ZFAT: variants seen among roughly 807,000 people sequenced by gnomAD.
ZFAT encodes zinc finger and AT-hook domain containing.
A neutral mutation model predicts 117.7 loss-of-function variants in ZFAT; 64 were observed. That is an observed-to-expected ratio of 0.54 (90% confidence interval 0.44 to 0.67). ZFAT has a LOEUF of 0.67. Among genes scored for constraint, ZFAT ranks in the 30% least tolerant of loss-of-function variants. ZFAT has a pLI of 0.00. For missense variants in ZFAT, 1,433 were observed against 1,584.5 expected, an observed-to-expected ratio of 0.90 and a Z score of 1.62; for synonymous variants, 679 against 615.0, an observed-to-expected ratio of 1.10 and a Z score of -1.54.
chr8:134,822,929 T>C, the ZFAT span, among the ~76,000 whole-genome samples: 14 of 152,236 alleles, frequency 9.2e-5, no homozygotes, highest in South Asian at 2.9e-3. Flanking sequence ...AAAAAATCTA[T>C]TCCCCCAAGC....
the ZFAT span, among the ~76,000 whole-genome samples, chr8:134,761,982 A>G: frequency 1.8e-4 from 27 of 147,238 alleles, no homozygotes; most frequent in South Asian, 4.4e-4. Flanking sequence ...TTCTCTCTGT[A>G]TGTGTGTGTG....
chr8:134,655,770 C>T (rs1831561764), intron 2 of ZFAT, among the ~76,000 whole-genome samples: 1 of 152,214 alleles, frequency 6.6e-6, no homozygotes, highest in African/African-American at 2.4e-5. Context: ...GAAGTTCTTT[C>T]CACCTTGATC....
intron 11 of ZFAT, among the ~76,000 whole-genome samples, chr8:134,557,521 T>C (rs1225436576): frequency 6.6e-6 from 1 of 152,252 alleles, no homozygotes; most frequent in East Asian, 1.9e-4. Context: ...TGATATTAGA[T>C]GGTAACAACA....
the ZFAT span, among the ~76,000 whole-genome samples, chr8:134,782,666 A>G: frequency 6.6e-6 from 1 of 151,984 alleles, no homozygotes. Context: ...TTATAAGGGA[A>G]ACCCCCTTTG....
At chr8:134,490,348 T>G (rs1817959239) in intron 15 of ZFAT, among the ~76,000 whole-genome samples, 1 of 152,194 alleles carries the variant, frequency 6.6e-6, no homozygotes, top group Non-Finnish European at 1.5e-5. Context: ...CTTCCAACTG[T>G]CGTCAGCTTC....
At chr8:134,788,162 C>CT in the ZFAT span, among the ~76,000 whole-genome samples, 1 of 152,182 alleles carries the variant, frequency 6.6e-6, no homozygotes, top group Non-Finnish European at 1.5e-5. Flanking sequence ...ATTTCACTGA[C>CT]TTTTTGTCTT....
At chr8:134,492,008 TTTTG>T (rs1586572046) in intron 15 of ZFAT, among the ~76,000 whole-genome samples, 1 of 148,294 alleles carries the variant, frequency 6.7e-6, no homozygotes, top group African/African-American at 2.5e-5. Context: ...ACTAGAGTTT[TTTTG>T]TTTTTGTTTT....
At chr8:134,723,520 C>G in the ZFAT span, 1 of 152,284 alleles carries the variant, frequency 6.6e-6, no homozygotes, top group Non-Finnish European at 1.5e-5. Flanking sequence ...CAGAGGAGTC[C>G]ACCTTCAGCA....
the ZFAT span, among the ~76,000 whole-genome samples, chr8:134,798,578 C>G: frequency 6.6e-6 from 1 of 152,156 alleles, no homozygotes; most frequent in South Asian, 2.1e-4. Context: ...GAAAAATACT[C>G]AAATTTTCAC....
chr8:134,560,104 A>G (rs1218914599), intron 11 of ZFAT, among the ~76,000 whole-genome samples: 2 of 152,204 alleles, frequency 1.3e-5, no homozygotes, highest in African/African-American at 4.8e-5. Context: ...CTACCAAACT[A>G]TCTGGGGAGG....
intron 2 of ZFAT, among the ~76,000 whole-genome samples, chr8:134,638,776 T>C (rs1448121831): frequency 6.6e-6 from 1 of 150,542 alleles, no homozygotes; most frequent in Non-Finnish European, 1.5e-5. Flanking sequence ...GCAGAGCATC[T>C]CATCCAGTTG....
Position 134,625,797 on chromosome 8 carries a change from G to A in ZFAT, c.448+11664C>T, listed in dbSNP as rs1022846507. On this transcript the variant is annotated intron_variant, in intron 3 of 15. Coordinates refer to ENST00000377838, the MANE Select transcript of ZFAT (RefSeq NM_020863.4). The stretch of plus-strand genomic sequence containing the variant: ...TCCAGATGTACAGGCTGCTGGGCAC[G>A]AGCCGTGAGCCACGTGTTCAGTACT... 1.3e-4 allele frequency among the ~76,000 whole-genome samples: 19 copies of A among 147,766 alleles called. No homozygotes were observed. The East Asian group carries it at 2.3e-3, about 18-fold the overall frequency.
At chr8:134,589,008 A>T (rs1826261623) in intron 8 of ZFAT, among the ~76,000 whole-genome samples, 1 of 152,248 alleles carries the variant, frequency 6.6e-6, no homozygotes, top group Non-Finnish European at 1.5e-5. Flanking sequence ...CTAGAAGAAG[A>T]AAAGTGTGTG....
At chr8:134,679,419 C>A (rs1232467990) in intron 1 of ZFAT, among the ~76,000 whole-genome samples, 1 of 152,176 alleles carries the variant, frequency 6.6e-6, no homozygotes, top group African/African-American at 2.4e-5. Flanking sequence ...GAATGGCGAT[C>A]ATTAAAAACT....
At chr8:134,640,136 C>T (rs59327456) in intron 2 of ZFAT, among the ~76,000 whole-genome samples, 4,565 of 152,260 alleles carry the variant, frequency 0.03, 239 homozygotes, top group African/African-American at 0.1. Context: ...TTAACTGGCT[C>T]TCTGATTTGC....
the ZFAT span, among the ~76,000 whole-genome samples, chr8:134,730,847 GTTTC>G: frequency 6.6e-6 from 1 of 152,172 alleles, no homozygotes; most frequent in East Asian, 1.9e-4. Context: ...AAATATTCTG[GTTTC>G]TTTTCCTGGG....
At chr8:134,653,083 A>C (rs1407931347) in intron 2 of ZFAT, among the ~76,000 whole-genome samples, 1 of 151,782 alleles carries the variant, frequency 6.6e-6, no homozygotes, top group Non-Finnish European at 1.5e-5. Flanking sequence ...ACTAAAAAAA[A>C]TTAGGACATA....
intron 1 of ZFAT, among the ~76,000 whole-genome samples, chr8:134,666,324 T>C (rs1167330371): frequency 6.6e-6 from 1 of 152,220 alleles, no homozygotes; most frequent in Non-Finnish European, 1.5e-5. Context: ...CAGTGTCAGA[T>C]GGAGCCTGCT....
At chr8:134,809,170 C>A in the ZFAT span, among the ~76,000 whole-genome samples, 22 of 152,306 alleles carry the variant, frequency 1.4e-4, no homozygotes, top group East Asian at 4.0e-3. Flanking sequence ...CTGATCTAGG[C>A]CAGTGGTTCT....
Sources: allele counts gnomAD v4.1 joint callset (sites outside exome capture counted in the v4.1 genomes callset), GRCh38; gene constraint gnomAD v4.1.1; transcripts MANE v1.5; gene names NCBI Gene and HGNC (gene_info 2026-07-23, HGNC 2026-07-21).